The following CALD1 variants were observed in gnomAD, a reference collection of about 807,000 sequenced individuals.
CALD1 encodes caldesmon.
A neutral mutation model predicts 99.9 loss-of-function variants in CALD1; 33 were observed. The observed-to-expected ratio is 0.33, with a 90% CI of 0.25 to 0.44. CALD1 has a LOEUF of 0.44. CALD1 is among the 20% of genes least tolerant of loss of function. CALD1 has a pLI of 1.00. For synonymous variants in CALD1, 310 were observed against 325.0 expected (o/e 0.95, Z 0.50); for missense variants, 861 against 962.1 (o/e 0.89, Z 1.39).
chr7:134,841,096 T>G (rs1404396761), intron 1 of CALD1, among the ~76,000 whole-genome samples: 2 of 152,136 alleles, frequency 1.3e-5, no homozygotes, highest in East Asian at 1.9e-4. Context: ...ACAATACATT[T>G]TTTTCGTGGA....
At chr7:134,873,730 C>T (rs957695908) in intron 3 of CALD1, among the ~76,000 whole-genome samples, 6 of 152,146 alleles carry the variant, frequency 3.9e-5, no homozygotes, top group Admixed American at 3.9e-4. Flanking sequence ...ACTATGGGAT[C>T]TACCAAATTA....
chr7:134,964,179 A>G (rs750297065), intron 13 of CALD1, among the ~76,000 whole-genome samples: 2 of 152,242 alleles, frequency 1.3e-5, no homozygotes, highest in African/African-American at 2.4e-5. Context: ...CCTGGGCGAC[A>G]GAGCAAGACT....
the CALD1 span, among the ~76,000 whole-genome samples, chr7:134,727,800 T>A: frequency 6.6e-6 from 1 of 152,164 alleles, no homozygotes; most frequent in Non-Finnish European, 1.5e-5. Flanking sequence ...AGTTCTCAGT[T>A]TGGTGATGAG....
At chr7:134,926,709 T>C (rs189659743) in intron 3 of CALD1, among the ~76,000 whole-genome samples, 35 of 152,330 alleles carry the variant, frequency 2.3e-4, no homozygotes, top group Non-Finnish European at 3.7e-4. Context: ...TCAGTTATAT[T>C]AGGTTAATAT....
chr7:134,907,263 A>G (rs907016510), intron 3 of CALD1, among the ~76,000 whole-genome samples: 1 of 152,176 alleles, frequency 6.6e-6, no homozygotes, highest in Non-Finnish European at 1.5e-5. Context: ...ATCATAGAAA[A>G]TAAAAAAACC....
chr7:134,729,279 G>C, the CALD1 span, among the ~76,000 whole-genome samples: 6 of 152,180 alleles, frequency 3.9e-5, no homozygotes, highest in African/African-American at 1.4e-4. Context: ...TCATAGAGTA[G>C]TATTATTACT....
chr7:134,828,170 T>A (rs1586046368), intron 1 of CALD1, among the ~76,000 whole-genome samples: 1 of 152,314 alleles, frequency 6.6e-6, no homozygotes, highest in East Asian at 1.9e-4. Context: ...TTAACCATAT[T>A]AGGTTATATG....
intron 1 of CALD1, among the ~76,000 whole-genome samples, chr7:134,806,929 A>G (rs1036443905): frequency 1.3e-5 from 2 of 152,194 alleles, no homozygotes; most frequent in Admixed American, 6.5e-5. Flanking sequence ...GACTATCTTA[A>G]TAACCATTGC....
intron 1 of CALD1, among the ~76,000 whole-genome samples, chr7:134,802,772 A>T (rs1265512002): frequency 2.6e-5 from 4 of 152,244 alleles, no homozygotes; most frequent in African/African-American, 9.6e-5. Flanking sequence ...CTGAAATTTG[A>T]AGTACACTGA....
chr7:134,870,694 C>CT (rs11392785), intron 3 of CALD1, among the ~76,000 whole-genome samples: 117,626 of 151,696 alleles, frequency 0.78, 46,099 homozygotes, highest in East Asian at 0.98. Flanking sequence ...TCTTTCCTTC[C>CT]TTTCTTTCTT....
At chr7:134,771,824 C>G (rs1796880262) in intron 1 of CALD1, among the ~76,000 whole-genome samples, 1 of 152,164 alleles carries the variant, frequency 6.6e-6, no homozygotes, top group Non-Finnish European at 1.5e-5. Context: ...TTCATGTAGT[C>G]TCACTGCTTG....
chr7:134,803,844 G>T (rs1563012650), intron 1 of CALD1, among the ~76,000 whole-genome samples: 1 of 151,890 alleles, frequency 6.6e-6, no homozygotes, highest in Non-Finnish European at 1.5e-5. Context: ...TACAGGTGCA[G>T]GCCACCACAC....
chr7:134,873,082 G>A (rs1370717020), intron 3 of CALD1, among the ~76,000 whole-genome samples: 1 of 152,016 alleles, frequency 6.6e-6, no homozygotes, highest in African/African-American at 2.4e-5. Context: ...AGCTACTCGG[G>A]AAGCTGAGGC....
intron 3 of CALD1, among the ~76,000 whole-genome samples, chr7:134,889,789 A>C (rs1225020495): frequency 6.6e-6 from 1 of 152,252 alleles, no homozygotes; most frequent in African/African-American, 2.4e-5. Flanking sequence ...ATGTTCGGTG[A>C]TCATATGTGT....
upstream of CALD1, among the ~76,000 whole-genome samples, chr7:134,779,095 T>C (rs927083235): frequency 1.2e-4 from 18 of 152,244 alleles, no homozygotes; most frequent in African/African-American, 4.3e-4. Flanking sequence ...CATAACAATT[T>C]AAACTCATTT....
chr7:134,874,203 G>A (rs532751111), intron 3 of CALD1, among the ~76,000 whole-genome samples: 20 of 150,582 alleles, frequency 1.3e-4, no homozygotes, highest in South Asian at 4.2e-4. Flanking sequence ...TTTCATTTTT[G>A]TTTTTTTGAG....
intron 1 of CALD1, among the ~76,000 whole-genome samples, chr7:134,782,299 A>T (rs959244457): frequency 6.6e-6 from 1 of 152,150 alleles, no homozygotes; most frequent in Non-Finnish European, 1.5e-5. Flanking sequence ...GCATGGTAGG[A>T]CTAAGGAGGA....
chr7:134,891,619 A>G (rs1802181727), intron 3 of CALD1: 1 of 1,608,294 alleles, frequency 6.2e-7, no homozygotes, highest in Non-Finnish European at 8.5e-7. Flanking sequence ...CCAACTGCGG[A>G]CATGCTGGGT....
intron 1 of CALD1, among the ~76,000 whole-genome samples, chr7:134,767,640 CA>C (rs1252007427): frequency 6.6e-6 from 1 of 152,200 alleles, no homozygotes; most frequent in Non-Finnish European, 1.5e-5. Flanking sequence ...GGATTTCAGA[CA>C]GGCTTCCTTG....
Sources: allele counts gnomAD v4.1 joint callset (sites outside exome capture counted in the v4.1 genomes callset), GRCh38; gene constraint gnomAD v4.1.1; transcripts MANE v1.5; gene names NCBI Gene and HGNC (gene_info 2026-07-23, HGNC 2026-07-21).